The following C3orf20 variants were observed in gnomAD, a reference collection of about 807,000 sequenced individuals.
The protein encoded by C3orf20 is uncharacterized protein C3orf20.
C3orf20 carries 76 observed loss-of-function variants against 88.3 expected under a neutral mutation model. That is an observed-to-expected ratio of 0.86 (90% CI 0.72 to 1.04). The LOEUF is 1.04. Ranked by LOEUF, C3orf20 falls within the 50% of genes least tolerant of loss-of-function variation. The pLI, the probability that C3orf20 is intolerant of heterozygous loss-of-function variation, is 0.00. For synonymous variants in C3orf20, 436 were observed against 437.4 expected (o/e 1.00, Z 0.04); for missense variants, 1,056 against 1,123.3 (o/e 0.94, Z 0.86).
intron 3 of C3orf20, among the ~76,000 whole-genome samples, chr3:14,683,996 A>G (rs1338872180): frequency 2.0e-5 from 3 of 152,108 alleles, no homozygotes; most frequent in Non-Finnish European, 2.9e-5. Flanking sequence ...ATCATTTCAG[A>G]AACCAATAGC....
intron 12 of C3orf20, 55 bp downstream of exon 12, chr3:14,728,743 G>A (rs1034123120): frequency 3.8e-5 from 60 of 1,577,494 alleles, no homozygotes; most frequent in Non-Finnish European, 4.7e-5. Flanking sequence ...TGGGCAGTGG[G>A]CACAGGATAG....
At chr3:14,687,527 C>A (rs1353297909) in intron 4 of C3orf20, among the ~76,000 whole-genome samples, 1 of 152,126 alleles carries the variant, frequency 6.6e-6, no homozygotes, top group African/African-American at 2.4e-5. Context: ...GAGCTCTGCA[C>A]CTTGCATTCT....
rs1391722374 is a variant in C3orf20, at chr3:14,701,710, C to T, written c.746-1420C>T. 6.6e-6 allele frequency among the ~76,000 whole-genome samples: 1 copy of T among 152,144 alleles called. No homozygotes were observed. Among genetic ancestry groups the T allele is most frequent in the Non-Finnish European group, 1.5e-5 (1 of 68,016 alleles). On this transcript the variant is annotated intron_variant, in intron 5 of 16. Coordinates refer to ENST00000253697, the MANE Select transcript of C3orf20 (RefSeq NM_032137.5). This position sits in a 1 kb window ranked among gnomAD's most constrained non-coding sequence, Gnocchi z 4.6. ...AGCCATCATCAGAGAAGTTTTCAAG[C>T]TGATTGAGAAGAAATAGAGACTTTG... is the stretch of plus-strand genomic sequence containing the variant.
intron 9 of C3orf20, among the ~76,000 whole-genome samples, chr3:14,720,564 G>A (rs2034119519): frequency 6.6e-6 from 1 of 151,568 alleles, no homozygotes; most frequent in African/African-American, 2.4e-5. Context: ...TGTTGTTGTT[G>A]TTGTTGTTGT....
intron 12 of C3orf20, among the ~76,000 whole-genome samples, chr3:14,739,115 G>T (rs2034824259): frequency 6.6e-6 from 1 of 152,078 alleles, no homozygotes; most frequent in African/African-American, 2.4e-5. Context: ...ATGACATCAA[G>T]AATGGTAAAT....
chr3:14,753,735 G>A (rs569096658), intron 12 of C3orf20, among the ~76,000 whole-genome samples: 1 of 152,178 alleles, frequency 6.6e-6, no homozygotes, highest in Admixed American at 6.5e-5. Context: ...GCTTGTTGTA[G>A]TTTGTAGCTG....
rs1441365358 is a variant in C3orf20 at position 14,759,917 on chromosome 3, G to A, written c.2271G>A (p.Leu757=). Reference sequence around the variant, plus strand: ...GCCGGTATGACTCCTACCGCCTGCTGCAGTATGACCTGGACAGCCCCCTGC... The same window carrying A: ...GCCGGTATGACTCCTACCGCCTGCTACAGTATGACCTGGACAGCCCCCTGC... ...IQCRYDSYRL[L]QYDLDSPLQE... is the part of the protein sequence containing the mutation. The change falls in exon 14 of 17, where the codon CTG becomes CTA. Residue 757 remains leucine (L), a synonymous_variant. Coordinates refer to ENST00000253697, the MANE Select transcript of C3orf20 (RefSeq NM_032137.5). The A allele has an allele frequency of 6.2e-7, 1 of 1,614,126 alleles. No individual in the cohort carries two copies. Among genetic ancestry groups the A allele is most frequent in the Admixed American group, 1.7e-5 (1 of 60,022 alleles).
rs2124959249 is a variant in C3orf20, at chr3:14,714,083, G to T, written c.1237G>T (p.Asp413Tyr). ...GAGAACCATCACCTGCCTCTTTAAT[G>T]ACATACCTGGATTCTCCTTGCTGGC... Reference protein sequence around the residue: ...RGRTITCLFNDIPGFSLLALF... With the variant: ...RGRTITCLFNYIPGFSLLALF... The change falls in exon 8 of 17, where the codon GAC (aspartate) becomes TAC (tyrosine). Residue 413 changes from aspartate (D) to tyrosine (Y), a missense_variant. Transcript: ENST00000253697. The T allele has an allele frequency of 6.2e-7, 1 of 1,614,136 alleles. No homozygotes were observed. The highest frequency in any genetic ancestry group is 8.5e-7 in the Non-Finnish European group (1 of 1,180,016).
At chr3:14,761,202 A>G (rs62239889) in intron 14 of C3orf20, among the ~76,000 whole-genome samples, 55,400 of 148,170 alleles carry the variant, frequency 0.37, 10,116 homozygotes, top group Middle Eastern at 0.44. Flanking sequence ...GCCCAGGGAG[A>G]TATGGCTGAG....
At chr3:14,693,173 T>C (rs1046232268) in intron 5 of C3orf20, among the ~76,000 whole-genome samples, 2 of 152,230 alleles carry the variant, frequency 1.3e-5, no homozygotes, top group Admixed American at 1.3e-4. Context: ...CTAGTTTTAT[T>C]ATTTTTATTT....
At chr3:14,675,307 A>T (rs1158581777) in intron 1 of C3orf20, 55 bp downstream of exon 1, 1 of 152,216 alleles carries the variant, frequency 6.6e-6, no homozygotes, top group African/African-American at 2.4e-5. Flanking sequence ...ATGAGAGTAG[A>T]TGAAACTACT....
chr3:14,743,400 C>T (rs902907816), intron 12 of C3orf20, among the ~76,000 whole-genome samples: 6 of 151,986 alleles, frequency 3.9e-5, no homozygotes, highest in Admixed American at 6.5e-5. Flanking sequence ...TTGGGCAGCT[C>T]TGCCCCTGTG....
chr3:14,767,797 G>A (rs187983144), intron 15 of C3orf20, among the ~76,000 whole-genome samples: 126 of 152,360 alleles, frequency 8.3e-4, no homozygotes, highest in Admixed American at 1.8e-3. Context: ...GCGCCCTCAC[G>A]GGCCTGCTCT....
intron 12 of C3orf20, among the ~76,000 whole-genome samples, chr3:14,749,637 T>C (rs2035161970): frequency 6.6e-6 from 1 of 152,218 alleles, no homozygotes; most frequent in African/African-American, 2.4e-5. Flanking sequence ...TTGCTGTTAG[T>C]TTTCTAGAAA....
intron 12 of C3orf20, among the ~76,000 whole-genome samples, chr3:14,742,824 C>T (rs1449258098): frequency 1.3e-5 from 2 of 152,132 alleles, no homozygotes; most frequent in Non-Finnish European, 2.9e-5. Context: ...GAAGCAAAAG[C>T]AGAAACCCCT....
At chr3:14,685,266 G>A (rs2032335074) in intron 4 of C3orf20, among the ~76,000 whole-genome samples, 1 of 152,108 alleles carries the variant, frequency 6.6e-6, no homozygotes, top group Admixed American at 6.5e-5. Context: ...TAAAAGCATG[G>A]AAAGTAGTAA....
chr3:14,699,683 G>C (rs2033165087), intron 5 of C3orf20, among the ~76,000 whole-genome samples: 2 of 152,196 alleles, frequency 1.3e-5, no homozygotes, highest in Admixed American at 1.3e-4. Flanking sequence ...GAAGAAAGGG[G>C]TCTTTTTTGG....
chr3:14,705,486 A>G (rs1454364113), intron 7 of C3orf20, among the ~76,000 whole-genome samples: 1 of 152,242 alleles, frequency 6.6e-6, no homozygotes. Flanking sequence ...TTAATAGACC[A>G]TTTGTACTTC....
At chr3:14,712,178 G>T (rs1386669491) in intron 7 of C3orf20, among the ~76,000 whole-genome samples, 9 of 108,900 alleles carry the variant, frequency 8.3e-5, no homozygotes, top group Non-Finnish European at 1.6e-4. Flanking sequence ...ACACACGCGC[G>T]CGCGCACACA....
Sources: gnomAD v4.1 joint callset for allele counts (sites outside exome capture counted in the v4.1 genomes callset) on GRCh38, gnomAD v4.1.1 for gene constraint, Gnocchi (gnomAD v3.1) non-coding constraint, MANE v1.5 for transcripts, NCBI Gene and HGNC (gene_info 2026-07-23, HGNC 2026-07-21) for gene names.